The following GRID1 variants were observed in gnomAD, a reference collection of about 807,000 sequenced individuals.
The protein encoded by GRID1 is glutamate receptor ionotropic, delta-1.
Under a neutral mutation model 98.0 loss-of-function variants are expected in GRID1, and 28 were observed. That is an observed-to-expected ratio of 0.29 (90% confidence interval 0.21 to 0.39). The LOEUF is 0.39. GRID1 is among the 10% of genes least tolerant of loss of function. The pLI is 1.00. For synonymous variants in GRID1, 553 were observed against 538.5 expected (o/e 1.03, Z -0.37); for missense variants, 1,111 against 1,340.5 (o/e 0.83, Z 2.67).
chr10:85,690,790 T>C (rs534874413), intron 12 of GRID1, among the ~76,000 whole-genome samples: 1 of 152,184 alleles, frequency 6.6e-6, no homozygotes, highest in Non-Finnish European at 1.5e-5. Flanking sequence ...AATAATTCAA[T>C]GGTTTCTCAA....
intron 8 of GRID1, among the ~76,000 whole-genome samples, chr10:85,820,740 T>C (rs1413541894): frequency 6.6e-6 from 1 of 152,182 alleles, no homozygotes; most frequent in Non-Finnish European, 1.5e-5. Flanking sequence ...TTATAATGGC[T>C]AAAAATTTTT....
intron 8 of GRID1, among the ~76,000 whole-genome samples, chr10:85,806,147 T>C (rs12253513): frequency 0.27 from 40,638 of 151,872 alleles, 6,446 homozygotes; most frequent in African/African-American, 0.43. Flanking sequence ...ATGTTTTAAA[T>C]GGGCAAAAGA....
intron 12 of GRID1, among the ~76,000 whole-genome samples, chr10:85,675,163 T>C (rs1272227040): frequency 6.6e-6 from 1 of 152,170 alleles, no homozygotes; most frequent in Non-Finnish European, 1.5e-5. Context: ...AAGAAATTAT[T>C]CATACTCTTG....
chr10:85,612,608 C>T (rs528817283), intron 15 of GRID1, among the ~76,000 whole-genome samples: 1 of 152,024 alleles, frequency 6.6e-6, no homozygotes, highest in African/African-American at 2.4e-5. Context: ...AGAGTGACAG[C>T]CCCACGGATG....
chr10:86,003,646 C>T (rs763032593), intron 4 of GRID1, among the ~76,000 whole-genome samples: 2 of 152,158 alleles, frequency 1.3e-5, no homozygotes, highest in Non-Finnish European at 2.9e-5. Flanking sequence ...TCAGCAGACA[C>T]CAAATGTGAG....
intron 4 of GRID1, among the ~76,000 whole-genome samples, chr10:85,998,214 C>T (rs1006228369): frequency 3.3e-5 from 5 of 151,964 alleles, no homozygotes; most frequent in African/African-American, 9.7e-5. Flanking sequence ...CAAGAGCCCA[C>T]GAAACGTTCC....
intron 4 of GRID1, among the ~76,000 whole-genome samples, chr10:85,934,653 T>A (rs911176623): frequency 3.3e-5 from 5 of 152,224 alleles, no homozygotes; most frequent in African/African-American, 1.2e-4. Flanking sequence ...TTTGTCTTCT[T>A]TCCTAATCCT....
chr10:86,021,366 C>T (rs1183523469), intron 4 of GRID1, among the ~76,000 whole-genome samples: 1 of 152,134 alleles, frequency 6.6e-6, no homozygotes. Flanking sequence ...TCAGCAGACA[C>T]CGCCCCTGAT....
intron 2 of GRID1, among the ~76,000 whole-genome samples, chr10:86,228,271 T>A (rs67165915): frequency 1.0e-5 from 1 of 95,346 alleles, no homozygotes; most frequent in Non-Finnish European, 2.0e-5. Context: ...GAGGATGGTG[T>A]GGTGAGGAGT....
intron 8 of GRID1, among the ~76,000 whole-genome samples, chr10:85,731,848 GGAGGAAGA>G (rs1841828402): frequency 7.1e-6 from 1 of 141,006 alleles, no homozygotes; most frequent in African/African-American, 2.6e-5. Context: ...AGGGAGGGAG[GGAGGAAGA>G]AAGGGAGGGA....
At chr10:85,950,250 A>G (rs1169439213) in intron 4 of GRID1, among the ~76,000 whole-genome samples, 1 of 152,170 alleles carries the variant, frequency 6.6e-6, no homozygotes, top group African/African-American at 2.4e-5. Flanking sequence ...TGGAGTGACA[A>G]TTTGCCAACT....
intron 2 of GRID1, among the ~76,000 whole-genome samples, chr10:86,234,027 C>T (rs934459376): frequency 1.3e-5 from 2 of 152,150 alleles, no homozygotes; most frequent in African/African-American, 4.8e-5. Context: ...CTACCTGCTC[C>T]AGTTGCTGTC....
chr10:86,083,512 C>G (rs1029735615), intron 4 of GRID1, among the ~76,000 whole-genome samples: 2 of 152,212 alleles, frequency 1.3e-5, no homozygotes, highest in Non-Finnish European at 1.5e-5. Context: ...AAGTCTGATC[C>G]TTAAATCTTG....
intron 4 of GRID1, among the ~76,000 whole-genome samples, chr10:85,980,342 A>G (rs1167445522): frequency 6.6e-6 from 1 of 152,268 alleles, no homozygotes; most frequent in Non-Finnish European, 1.5e-5. Flanking sequence ...TGTTAAGTGA[A>G]GAAACAGTGG....
chr10:86,165,733 G>T (rs755277638), intron 3 of GRID1, among the ~76,000 whole-genome samples: 2 of 152,186 alleles, frequency 1.3e-5, no homozygotes, highest in Non-Finnish European at 2.9e-5. Context: ...AATTTTAAGT[G>T]ACAAACTGTC....
At chr10:85,792,329 G>T (rs1019470539) in intron 8 of GRID1, among the ~76,000 whole-genome samples, 1 of 152,208 alleles carries the variant, frequency 6.6e-6, no homozygotes, top group African/African-American at 2.4e-5. Flanking sequence ...CCCATCTCTG[G>T]ATGATGCCAC....
chr10:86,155,468 A>G (rs928330291), intron 3 of GRID1, among the ~76,000 whole-genome samples: 3 of 152,252 alleles, frequency 2.0e-5, no homozygotes, highest in African/African-American at 7.2e-5. Flanking sequence ...TTTCCAGTTT[A>G]GAGGGAAATG....
intron 4 of GRID1, among the ~76,000 whole-genome samples, chr10:86,053,111 C>T (rs935921717): frequency 3.9e-5 from 6 of 152,174 alleles, no homozygotes; most frequent in Non-Finnish European, 5.9e-5. Context: ...GTTTACCCTC[C>T]GCTGCAAAGG....
At position 85,765,122 on chromosome 10, in the gene GRID1, A is replaced by G. The variant is rs186696571; in HGVS notation, c.1234-35508T>C. On this transcript the variant is annotated intron_variant, in intron 8 of 15. Transcript: ENST00000327946. ...ACCCCATAATTTTGTATTATGTTGT[A>G]TTATCTCAATTTTCAAGCAGATGAA... 1.1e-3 allele frequency among the ~76,000 whole-genome samples: 168 copies of G among 152,276 alleles called. 2 individuals carry two copies. Among genetic ancestry groups the G allele is most frequent in the Non-Finnish European group, 2.2e-4 (15 of 68,026 alleles).
Sources: allele counts gnomAD v4.1 joint callset (sites outside exome capture counted in the v4.1 genomes callset), GRCh38; gene constraint gnomAD v4.1.1; transcripts MANE v1.5; gene names NCBI Gene and HGNC (gene_info 2026-07-23, HGNC 2026-07-21).